Variants in ZNF469 observed in about 807,000 individuals in gnomAD.
ZNF469 encodes zinc finger protein 469.
Under a neutral mutation model 1.0 loss-of-function variants are expected in ZNF469, and 1 was observed. The observed-to-expected ratio is 1.00, with a 90% CI of 0.35 to 4.73. The LOEUF (loss-of-function observed/expected upper bound fraction) is 4.73. Ranked by LOEUF, ZNF469 falls within the 30% of genes most tolerant of loss-of-function variation. The probability of loss-of-function intolerance (pLI) is 0.16; values close to 1 mark genes in which losing one functional copy is unlikely to be tolerated. For missense variants in ZNF469, 6,100 were observed against 5,356.3 expected, an observed-to-expected ratio of 1.14 and a Z score of -4.33; for synonymous variants, 2,703 against 2,363.4, an observed-to-expected ratio of 1.14 and a Z score of -4.17.
At chr16:88,383,383 G>A (rs1599341780) in intron 1 of ZNF469, among the ~76,000 whole-genome samples, 129 bp downstream of exon 1, 2 of 147,938 alleles carry the variant, frequency 1.4e-5, no homozygotes, top group South Asian at 4.1e-4. Flanking sequence ...CTCGGGGGCC[G>A]CTCCCCGGCG....
the ZNF469 span, among the ~76,000 whole-genome samples, chr16:88,204,099 G>GGCGCCCC: frequency 1.3e-5 from 2 of 151,466 alleles, no homozygotes; most frequent in Admixed American, 1.3e-4. Context: ...AGCAGCCGGA[G>GGCGCCCC]GTGCCCCGTA....
the ZNF469 span, among the ~76,000 whole-genome samples, chr16:88,163,654 A>ATGGATGGG: frequency 1.9e-5 from 2 of 106,746 alleles, no homozygotes; most frequent in African/African-American, 6.4e-5. Flanking sequence ...GGATGGATGG[A>ATGGATGGG]TAGTTGGGTA....
chr16:88,412,898 A>C (rs1905212070), intron 1 of ZNF469, among the ~76,000 whole-genome samples: 1 of 152,188 alleles, frequency 6.6e-6, no homozygotes. Context: ...AAAGTCTGCC[A>C]CTGTGCTCCG....
intron 1 of ZNF469, among the ~76,000 whole-genome samples, chr16:88,422,162 A>G (rs1305422955): frequency 1.0e-4 from 13 of 128,944 alleles, no homozygotes; most frequent in Admixed American, 2.3e-4. Flanking sequence ...GTGGATGGGC[A>G]GGTGGATGGG....
the ZNF469 span, among the ~76,000 whole-genome samples, chr16:88,312,664 T>G: frequency 1.4e-4 from 22 of 152,250 alleles, no homozygotes; most frequent in African/African-American, 5.1e-4. Context: ...TGCTTTTGTT[T>G]TTTTGCCCTT....
the ZNF469 span, among the ~76,000 whole-genome samples, chr16:88,246,501 A>G: frequency 3.3e-5 from 5 of 152,280 alleles, no homozygotes; most frequent in African/African-American, 1.2e-4. Context: ...GGGTAGGAGG[A>G]GGCTGTCTTG....
upstream of ZNF469, among the ~76,000 whole-genome samples, chr16:88,381,038 A>G (rs551470466): frequency 1.4e-4 from 21 of 145,746 alleles, no homozygotes; most frequent in African/African-American, 5.5e-4. Context: ...ACTCACACAC[A>G]TGCACTCACA....
chr16:88,224,668 C>G, the ZNF469 span, among the ~76,000 whole-genome samples: 1,109 of 152,250 alleles, frequency 7.3e-3, 17 homozygotes, highest in South Asian at 0.054. Flanking sequence ...GGTCGGAGCC[C>G]GGCAAGGCCG....
the ZNF469 span, among the ~76,000 whole-genome samples, chr16:88,147,733 A>G: frequency 2.0e-5 from 3 of 152,060 alleles, no homozygotes; most frequent in Non-Finnish European, 2.9e-5. Flanking sequence ...TTAGACTGTG[A>G]GCATGTTGGA....
At chr16:88,383,548 G>A (rs1484284569) in intron 1 of ZNF469, among the ~76,000 whole-genome samples, 1 of 150,128 alleles carries the variant, frequency 6.7e-6, no homozygotes. Context: ...CGGCTCCGTG[G>A]GCAGTTTGGG....
intron 1 of ZNF469, among the ~76,000 whole-genome samples, chr16:88,410,276 C>T (rs1035335222): frequency 6.2e-5 from 9 of 144,750 alleles, no homozygotes; most frequent in African/African-American, 1.9e-4. Flanking sequence ...TTCACGGTGA[C>T]GTCTATGATA....
the ZNF469 span, among the ~76,000 whole-genome samples, chr16:88,112,042 A>C: frequency 6.6e-6 from 1 of 152,220 alleles, no homozygotes; most frequent in Non-Finnish European, 1.5e-5. Flanking sequence ...GTGGCTGAAT[A>C]GTACTACGTT....
chr16:88,210,437 T>A, the ZNF469 span, among the ~76,000 whole-genome samples: 1 of 152,200 alleles, frequency 6.6e-6, no homozygotes, highest in African/African-American at 2.4e-5. Flanking sequence ...TGCATTTGGA[T>A]GTTGAAAAGT....
intron 1 of ZNF469, among the ~76,000 whole-genome samples, chr16:88,404,965 G>A (rs1167288554): frequency 6.6e-6 from 1 of 152,198 alleles, no homozygotes; most frequent in Non-Finnish European, 1.5e-5. Flanking sequence ...CTGTGCAGGG[G>A]GACTTCAGGC....
chr16:88,383,323 G>C (rs1172097730), intron 1 of ZNF469, among the ~76,000 whole-genome samples, 69 bp downstream of exon 1: 1 of 147,532 alleles, frequency 6.8e-6, no homozygotes, highest in South Asian at 2.1e-4. Context: ...CGGGGCGGGG[G>C]TGTCACCGGG....
the ZNF469 span, among the ~76,000 whole-genome samples, chr16:88,173,992 A>G: frequency 6.6e-6 from 1 of 152,228 alleles, no homozygotes; most frequent in Non-Finnish European, 1.5e-5. Context: ...ATTTAAATCA[A>G]ACATAATCAA....
chr16:88,396,960 T>G (rs1433737910), intron 1 of ZNF469, among the ~76,000 whole-genome samples: 8 of 147,958 alleles, frequency 5.4e-5, no homozygotes, highest in African/African-American at 2.0e-4. Flanking sequence ...GAGACCCTCA[T>G]GAAGGGAGGC....
the ZNF469 span, among the ~76,000 whole-genome samples, chr16:88,121,551 C>T: frequency 9.8e-5 from 15 of 152,338 alleles, no homozygotes; most frequent in African/African-American, 3.6e-4. Context: ...GCTGTCACGT[C>T]ACAACCCCGG....
chr16:88,368,541 T>A, the ZNF469 span, among the ~76,000 whole-genome samples: 1 of 152,062 alleles, frequency 6.6e-6, no homozygotes, highest in Non-Finnish European at 1.5e-5. Context: ...GAGAAGGTGG[T>A]CTGGAGAGAG....
Sources: gnomAD v4.1 joint callset for allele counts (sites outside exome capture counted in the v4.1 genomes callset) on GRCh38, gnomAD v4.1.1 for gene constraint, MANE v1.5 for transcripts, NCBI Gene and HGNC (gene_info 2026-07-23, HGNC 2026-07-21) for gene names.